The following SAMD5 variants were observed in gnomAD, a reference collection of about 807,000 sequenced individuals.
The protein encoded by SAMD5 is sterile alpha motif domain containing 5, also known as sterile alpha motif domain-containing protein 5.
SAMD5 carries 13 observed loss-of-function variants against 11.3 expected under a neutral mutation model. The ratio of observed to expected loss-of-function variants is 1.15; its 90% CI spans 0.75 to 1.83. The LOEUF (loss-of-function observed/expected upper bound fraction) is 1.83, where lower values mean the gene tolerates loss of function less well. Among genes scored for constraint, SAMD5 ranks in the 40% most tolerant of loss-of-function variants. The probability of loss-of-function intolerance (pLI) is 0.00; values close to 1 mark genes in which losing one functional copy is unlikely to be tolerated. For missense variants in SAMD5, 255 were observed against 239.1 expected (o/e 1.07, Z -0.44); for synonymous variants, 129 against 111.3 (o/e 1.16, Z -1.00).
Position 147,655,226 on chromosome 6 carries a change from A to G in SAMD5, c.163-82091A>G, listed in dbSNP as rs543628091. On this transcript the variant is annotated intron_variant, in intron 1 of 1. Coordinates refer to the SAMD5 transcript ENST00000566741. The stretch of plus-strand genomic sequence containing the variant: ...CACTTCTTCTGATATACACACAGAA[A>G]CAGGCTTAACATGTAAGTGTAAAAA... Among the ~76,000 whole-genome samples the G allele has an allele frequency of 1.8e-4, 27 of 152,340 alleles. No homozygotes were observed. The East Asian group carries it at 2.5e-3, about 14-fold the overall frequency.
intron 1 of SAMD5, among the ~76,000 whole-genome samples, chr6:147,725,415 G>A (rs1791612033): frequency 7.0e-6 from 1 of 143,362 alleles, no homozygotes; most frequent in South Asian, 2.2e-4. Flanking sequence ...TTGAGACCGA[G>A]TCTAGCTCTG....
At chr6:147,613,457 T>C (rs981585667) in intron 1 of SAMD5, among the ~76,000 whole-genome samples, 5 of 152,026 alleles carry the variant, frequency 3.3e-5, no homozygotes, top group Middle Eastern at 6.8e-3. Flanking sequence ...GGGATTATTC[T>C]CTCCTCCTAA....
chr6:147,691,526 G>A (rs1791103088), intron 1 of SAMD5, among the ~76,000 whole-genome samples: 3 of 152,054 alleles, frequency 2.0e-5, no homozygotes, highest in Admixed American at 2.0e-4. Context: ...CTTATAAAGT[G>A]ATAAAAATAT....
At chr6:147,594,445 T>C (rs1234101128) in intron 1 of SAMD5, among the ~76,000 whole-genome samples, 3 of 152,194 alleles carry the variant, frequency 2.0e-5, no homozygotes, top group African/African-American at 7.2e-5. Context: ...TGATTTTAAT[T>C]ATGCCAAGTT....
chr6:147,819,906 G>C, the SAMD5 span, among the ~76,000 whole-genome samples: 1 of 152,162 alleles, frequency 6.6e-6, no homozygotes, highest in African/African-American at 2.4e-5. Flanking sequence ...TCCCATAGTC[G>C]TGGTGGCAAC....
intron 1 of SAMD5, among the ~76,000 whole-genome samples, chr6:147,704,317 A>G (rs1791296410): frequency 6.7e-6 from 1 of 150,324 alleles, no homozygotes; most frequent in African/African-American, 2.5e-5. Context: ...TTAATTTTCT[A>G]GAAAAAAAAA....
intron 1 of SAMD5, among the ~76,000 whole-genome samples, chr6:147,693,060 TA>T (rs1351464412): frequency 6.6e-6 from 1 of 152,206 alleles, no homozygotes; most frequent in Non-Finnish European, 1.5e-5. Context: ...TGATCTCAAT[TA>T]AAATCAGCCT....
rs1479321046 is a variant in SAMD5, at chr6:147,565,217, T to C, written c.*761T>C. 4.1e-6 allele frequency: 4 copies of C among 985,828 alleles called. No individual in the cohort carries two copies. Among genetic ancestry groups the C allele is most frequent in the African/African-American group, 3.5e-5 (2 of 57,258 alleles). The allele number at this position is 985,828 out of a possible 1,614,324, so 61.1% of individuals were successfully genotyped here. A position where few individuals can be genotyped will look rare whatever the true frequency, so the allele number is the denominator to read the frequency against. On this transcript the variant is annotated 3_prime_UTR_variant, in exon 2 of 2. Coordinates refer to ENST00000367474, the MANE Select transcript of SAMD5 (RefSeq NM_001030060.3). ...ACTTCATAGCTAGTTTCTTGCACTC[T>C]GTGGAGACTGCCAGGGCCGCAGCTC...
intron 1 of SAMD5, among the ~76,000 whole-genome samples, chr6:147,612,679 C>T (rs1209079349): frequency 2.0e-5 from 3 of 152,266 alleles, no homozygotes; most frequent in African/African-American, 4.8e-5. Context: ...TAGATTTGGC[C>T]TCAGAAACCC....
At chr6:147,573,781 A>AGTTT (rs1378718075), downstream of SAMD5, among the ~76,000 whole-genome samples, 1 of 152,204 alleles carries the variant, frequency 6.6e-6, no homozygotes, top group Non-Finnish European at 1.5e-5. Flanking sequence ...ACAGAAAAGA[A>AGTTT]GTTTGTGACT....
the SAMD5 span, among the ~76,000 whole-genome samples, chr6:147,940,671 GTGTC>G: frequency 6.6e-6 from 1 of 152,144 alleles, no homozygotes; most frequent in South Asian, 2.1e-4. Context: ...TGGTTCAAAA[GTGTC>G]TGGCAGGCCA....
intron 1 of SAMD5, among the ~76,000 whole-genome samples, chr6:147,510,776 A>C (rs570605284): frequency 6.6e-6 from 1 of 152,330 alleles, no homozygotes; most frequent in South Asian, 2.1e-4. Context: ...GATACAAAGA[A>C]GGCAGGTTGG....
intron 1 of SAMD5, among the ~76,000 whole-genome samples, chr6:147,697,316 A>G (rs1791190455): frequency 1.3e-5 from 2 of 152,206 alleles, no homozygotes; most frequent in South Asian, 2.1e-4. Context: ...TTTCTTGAAT[A>G]GTTTTGTTCT....
downstream of SAMD5, among the ~76,000 whole-genome samples, chr6:147,570,223 G>T (rs537266448): frequency 6.6e-6 from 1 of 152,154 alleles, no homozygotes; most frequent in Non-Finnish European, 1.5e-5. Flanking sequence ...CTTACGAGCT[G>T]GGATCCTTTG....
intron 1 of SAMD5, among the ~76,000 whole-genome samples, chr6:147,647,526 G>A (rs1790423773): frequency 1.3e-5 from 2 of 152,152 alleles, no homozygotes; most frequent in Non-Finnish European, 2.9e-5. Flanking sequence ...AAGTCATTTG[G>A]AGAGGTTTGA....
chr6:147,839,145 C>T, the SAMD5 span, among the ~76,000 whole-genome samples: 1 of 152,332 alleles, frequency 6.6e-6, no homozygotes, highest in East Asian at 1.9e-4. Context: ...GTGCTACACT[C>T]ACCTACCCTG....
At chr6:147,789,276 AAAACACACACAC>A in the SAMD5 span, among the ~76,000 whole-genome samples, 2 of 102,334 alleles carry the variant, frequency 2.0e-5, no homozygotes, top group African/African-American at 9.3e-5. Flanking sequence ...AGTCTCTAGA[AAAACACACACAC>A]ACACACACAC....
the SAMD5 span, among the ~76,000 whole-genome samples, chr6:147,944,787 C>T: frequency 1.9e-3 from 287 of 152,262 alleles, no homozygotes; most frequent in African/African-American, 5.3e-3. Flanking sequence ...TGGAAGTCCA[C>T]GATTAAGGTG....
intron 1 of SAMD5, among the ~76,000 whole-genome samples, chr6:147,551,642 T>C (rs548542169): frequency 6.6e-6 from 1 of 151,900 alleles, no homozygotes; most frequent in Non-Finnish European, 1.5e-5. Context: ...AATGTAATGT[T>C]GAATAGCATG....
Sources: gnomAD v4.1 joint callset for allele counts (sites outside exome capture counted in the v4.1 genomes callset) on GRCh38, gnomAD v4.1.1 for gene constraint, MANE v1.5 for transcripts, NCBI Gene and HGNC (gene_info 2026-07-23, HGNC 2026-07-21) for gene names.